The following PCCA variants were observed in gnomAD, a reference collection of about 807,000 sequenced individuals.
PCCA encodes propionyl-CoA carboxylase subunit alpha.
In PCCA, 74 loss-of-function variants were observed where a neutral mutation model predicts 101.3. That is an observed-to-expected ratio of 0.73 (90% CI 0.61 to 0.89). The LOEUF is 0.89. PCCA is among the 40% of genes least tolerant of loss of function. The pLI, the probability that PCCA is intolerant of heterozygous loss-of-function variation, is 0.00. For missense variants in PCCA, 891 were observed against 907.0 expected, an observed-to-expected ratio of 0.98 and a Z score of 0.23; for synonymous variants, 294 against 313.6, an observed-to-expected ratio of 0.94 and a Z score of 0.66.
At chr13:100,458,244 T>G (rs974601276) in intron 21 of PCCA, among the ~76,000 whole-genome samples, 2 of 150,348 alleles carry the variant, frequency 1.3e-5, no homozygotes, top group Admixed American at 6.7e-5. Flanking sequence ...GGAGGATTGC[T>G]TGAGCCCAGG....
chr13:100,262,709 C>A lies in PCCA; in HGVS notation c.717-20C>A. On this transcript the variant is annotated intron_variant, in intron 9 of 23. Coordinates refer to ENST00000376285, the MANE Select transcript of PCCA (RefSeq NM_000282.4). ...CCCTCCCTCTCCCCCCCTCCTCCTTCTTCCTTCTTTTTTTCACAGGGATGG... is the reference window on the plus strand; with the variant it reads ...CCCTCCCTCTCCCCCCCTCCTCCTTATTCCTTCTTTTTTTCACAGGGATGG... 1 of 894,654 alleles carries A rather than the reference C, an allele frequency of 1.1e-6. No homozygotes were observed. Among genetic ancestry groups the A allele is most frequent in the Non-Finnish European group, 1.7e-6 (1 of 582,456 alleles). 55.4% of individuals were successfully genotyped at this position (894,654 alleles called of 1,614,324 possible). A position where few individuals can be genotyped will look rare whatever the true frequency, so the allele number is the denominator to read the frequency against.
rs184734134 is a variant in PCCA, at chr13:100,471,544, G to A, written c.1899+22239G>A. 2.8e-4 allele frequency among the ~76,000 whole-genome samples: 43 copies of A among 152,244 alleles called. No individual in the cohort carries two copies. In the East Asian group the frequency reaches 7.3e-3, roughly 26 times the overall value. ...AATAGAGTGAAGCCTAATAAAATGA[G>A]GTAGGCCTGGATTTTTTGGATACTT... is the stretch of plus-strand genomic sequence containing the variant. On this transcript the variant is annotated intron_variant, in intron 21 of 23. Transcript: ENST00000376285.
intron 23 of PCCA, among the ~76,000 whole-genome samples, chr13:100,528,889 C>A (rs975781944): frequency 2.0e-5 from 3 of 152,148 alleles, no homozygotes; most frequent in Non-Finnish European, 4.4e-5. Flanking sequence ...AGAACTTGGC[C>A]TAGGTGTGGG....
intron 21 of PCCA, among the ~76,000 whole-genome samples, chr13:100,495,253 A>G (rs999083623): frequency 2.0e-5 from 3 of 152,064 alleles, no homozygotes; most frequent in Admixed American, 6.6e-5. Context: ...TGGTTCCACA[A>G]TTTACCTCTA....
chr13:100,282,751 A>G (rs2064240062), intron 12 of PCCA, among the ~76,000 whole-genome samples: 1 of 152,180 alleles, frequency 6.6e-6, no homozygotes, highest in Non-Finnish European at 1.5e-5. Context: ...ATGGAGTGGA[A>G]TACCTTATGT....
chr13:100,500,148 A>T (rs1052114428), intron 21 of PCCA, among the ~76,000 whole-genome samples: 1 of 152,166 alleles, frequency 6.6e-6, no homozygotes, highest in Non-Finnish European at 1.5e-5. Context: ...CTGTCTTCAG[A>T]TTGAGGCGAT....
intron 8 of PCCA, among the ~76,000 whole-genome samples, chr13:100,250,954 C>A (rs376070612): frequency 6.6e-6 from 1 of 151,768 alleles, no homozygotes; most frequent in African/African-American, 2.4e-5. Flanking sequence ...ATGGTTTTTT[C>A]GTAGTATAAT....
chr13:100,513,949 T>A (rs1008293114), intron 21 of PCCA, among the ~76,000 whole-genome samples: 1 of 152,162 alleles, frequency 6.6e-6, no homozygotes, highest in Admixed American at 6.5e-5. Flanking sequence ...GTCCTCTCTG[T>A]CCCTCCACAC....
chr13:100,465,640 G>A (rs890403330), intron 21 of PCCA, among the ~76,000 whole-genome samples: 9 of 152,200 alleles, frequency 5.9e-5, no homozygotes, highest in Admixed American at 2.0e-4. Flanking sequence ...TGTTGTGGGA[G>A]ACTGCCCTAT....
chr13:100,317,198 G>A (rs1472156233), intron 16 of PCCA, among the ~76,000 whole-genome samples: 1 of 152,126 alleles, frequency 6.6e-6, no homozygotes, highest in Non-Finnish European at 1.5e-5. Flanking sequence ...AATTGTTGAT[G>A]TACCTTGGTC....
At chr13:100,152,516 G>A (rs1044602949) in intron 4 of PCCA, among the ~76,000 whole-genome samples, 3 of 151,822 alleles carry the variant, frequency 2.0e-5, no homozygotes, top group Non-Finnish European at 2.9e-5. Flanking sequence ...GCGCAATCTC[G>A]GCTCACTGCA....
chr13:100,106,954 G>T (rs993176901), intron 2 of PCCA, among the ~76,000 whole-genome samples: 2 of 152,102 alleles, frequency 1.3e-5, no homozygotes, highest in Non-Finnish European at 2.9e-5. Context: ...GACTAAGTTG[G>T]TCGCTTCACC....
At chr13:100,303,938 A>G (rs773531573) in intron 14 of PCCA, among the ~76,000 whole-genome samples, 1 of 152,236 alleles carries the variant, frequency 6.6e-6, no homozygotes, top group Admixed American at 6.5e-5. Context: ...AACAAGTATC[A>G]TAGGGACATA....
chr13:100,498,289 T>C (rs576225692), intron 21 of PCCA, among the ~76,000 whole-genome samples: 2 of 152,002 alleles, frequency 1.3e-5, no homozygotes, highest in East Asian at 3.9e-4. Context: ...TCACAAATAT[T>C]GAATGTCTTC....
chr13:100,239,783 T>C (rs1412457486), intron 8 of PCCA, among the ~76,000 whole-genome samples: 2 of 152,184 alleles, frequency 1.3e-5, no homozygotes, highest in Non-Finnish European at 2.9e-5. Flanking sequence ...CAGATTCTTT[T>C]CCTTTGCTTG....
intron 8 of PCCA, among the ~76,000 whole-genome samples, chr13:100,251,493 C>T (rs561524547): frequency 2.4e-4 from 37 of 152,198 alleles, no homozygotes; most frequent in African/African-American, 8.9e-4. Flanking sequence ...TCAGCCACTG[C>T]AGAAACAACA....
chr13:100,124,245 A>G (rs1257624642), intron 4 of PCCA, among the ~76,000 whole-genome samples: 1 of 152,226 alleles, frequency 6.6e-6, no homozygotes, highest in Non-Finnish European at 1.5e-5. Flanking sequence ...ATATCAACAG[A>G]ATCATTCAAC....
chr13:100,268,523 A>G lies in PCCA; in HGVS notation c.820-166A>G, dbSNP rs372924126. The G allele has an allele frequency of 1.5e-5, 11 of 714,344 alleles. 1 individual carries two copies. The highest frequency in any genetic ancestry group is 2.6e-5 in the East Asian group (1 of 38,400). 44.3% of individuals were successfully genotyped at this position (714,344 alleles called of 1,614,324 possible). A position where few individuals can be genotyped will look rare whatever the true frequency, so the allele number is the denominator to read the frequency against. On this transcript the variant is annotated intron_variant, in intron 10 of 23. Transcript: ENST00000376285. ...TTTATTGAGCTTTGGAGTAATAAATATAGTTTTCCTTTGTTAACATGAATC... is the reference window on the plus strand; with the variant it reads ...TTTATTGAGCTTTGGAGTAATAAATGTAGTTTTCCTTTGTTAACATGAATC...
intron 19 of PCCA, among the ~76,000 whole-genome samples, chr13:100,393,160 C>T (rs2076885254): frequency 6.6e-6 from 1 of 152,088 alleles, no homozygotes; most frequent in Non-Finnish European, 1.5e-5. Context: ...CATTTAATAG[C>T]GTTCTTTAAG....
Sources: allele counts gnomAD v4.1 joint callset (sites outside exome capture counted in the v4.1 genomes callset), GRCh38; gene constraint gnomAD v4.1.1; transcripts MANE v1.5; gene names NCBI Gene and HGNC (gene_info 2026-07-23, HGNC 2026-07-21).